DYRK1A: variants seen among roughly 807,000 people sequenced by gnomAD.
The protein encoded by DYRK1A is dual specificity tyrosine-phosphorylation-regulated kinase 1A.
In DYRK1A, 9 loss-of-function variants were observed where a neutral mutation model predicts 79.7. The observed-to-expected ratio is 0.11, with a 90% CI of 0.07 to 0.20. The LOEUF is 0.20. DYRK1A is among the 10% of genes least tolerant of loss of function. The pLI is 1.00. For synonymous variants in DYRK1A, 349 were observed against 329.7 expected (o/e 1.06, Z -0.63); for missense variants, 622 against 956.0 (o/e 0.65, Z 4.61).
chr21:37,372,479 A>G (rs1017321396), intron 1 of DYRK1A, among the ~76,000 whole-genome samples: 6 of 151,598 alleles, frequency 4.0e-5, no homozygotes, highest in Middle Eastern at 3.4e-3. Context: ...GAACTGTGAC[A>G]TCTGTCTGTC....
chr21:37,443,994 G>A (rs761317082), intron 2 of DYRK1A, among the ~76,000 whole-genome samples: 4 of 152,136 alleles, frequency 2.6e-5, no homozygotes, highest in Non-Finnish European at 4.4e-5. Context: ...GACCTGTAAC[G>A]TTGCCCCTGG....
upstream of DYRK1A, chr21:37,365,592 T>G (rs533182579): frequency 6.6e-6 from 1 of 152,284 alleles, no homozygotes; most frequent in South Asian, 2.1e-4. Flanking sequence ...TTTTCAAGCC[T>G]CGGGAGCTCA....
At chr21:37,394,580 T>C (rs1175465090) in intron 1 of DYRK1A, among the ~76,000 whole-genome samples, 1 of 152,184 alleles carries the variant, frequency 6.6e-6, no homozygotes, top group African/African-American at 2.4e-5. Context: ...CTGCCTGAGC[T>C]CTGCCTCCTG....
At position 37,478,250 on chromosome 21, in the gene DYRK1A, C is replaced by G. The variant is rs1388649650; in HGVS notation, c.250C>G (p.Leu84Val). 3 of 1,614,094 alleles carry G rather than the reference C, an allele frequency of 1.9e-6. No individual in the cohort carries two copies. The highest frequency in any genetic ancestry group is 2.5e-6 in the Non-Finnish European group (3 of 1,179,964). ...CTTCCGTGACCCAGCAACTGCTCCC[C>G]TGAGAAAACTTTCTGTTGACTTGAT... Reference protein sequence around the residue: ...QTFRDPATAPLRKLSVDLIKT... With the variant: ...QTFRDPATAPVRKLSVDLIKT... Residue 84 changes from leucine (L) to valine (V), a missense_variant, in exon 4 of 12, where the codon CTG becomes GTG. Physicochemically the swap from Leu to Val is conservative, Grantham distance 32 (BLOSUM62 1). Coordinates refer to ENST00000647188, the MANE Select transcript of DYRK1A (RefSeq NM_001347721.2).
intron 1 of DYRK1A, among the ~76,000 whole-genome samples, chr21:37,406,369 G>A (rs1417879747): frequency 6.6e-6 from 1 of 151,998 alleles, no homozygotes; most frequent in Non-Finnish European, 1.5e-5. Context: ...GAGACCCCAG[G>A]CACCAACACA....
intron 1 of DYRK1A, among the ~76,000 whole-genome samples, chr21:37,404,212 G>T (rs559601314): frequency 1.3e-5 from 2 of 152,150 alleles, no homozygotes; most frequent in Non-Finnish European, 2.9e-5. Context: ...ACGTGACAGT[G>T]GAGGCTGAGC....
chr21:37,510,969 A>G (rs555806045), intron 11 of DYRK1A, among the ~76,000 whole-genome samples: 23 of 152,320 alleles, frequency 1.5e-4, no homozygotes, highest in African/African-American at 5.3e-4. Flanking sequence ...AGCATCAGCC[A>G]GAGTGGTCAG....
chr21:37,484,978 TG>T (rs1024397079), intron 5 of DYRK1A, among the ~76,000 whole-genome samples: 2 of 152,212 alleles, frequency 1.3e-5, no homozygotes, highest in African/African-American at 4.8e-5. Flanking sequence ...CTCCACATTC[TG>T]TGTCAGGTTA....
At chr21:37,382,757 A>G (rs948474425) in intron 1 of DYRK1A, among the ~76,000 whole-genome samples, 1 of 152,214 alleles carries the variant, frequency 6.6e-6, no homozygotes, top group Non-Finnish European at 1.5e-5. Flanking sequence ...ATTATTAGTT[A>G]TTTTAATATA....
chr21:37,480,901 CCT>C lies in DYRK1A; in HGVS notation c.489+77_489+78del, dbSNP rs1278501699. On this transcript the variant is annotated intron_variant, in intron 5 of 11. Transcript: ENST00000647188. ...GTGAATCTTGTTGTTAACAGCCCTT[CCT>C]CAAGAGTGTACTTTTAATATTTGCA... The C allele has an allele frequency of 3.4e-6, 4 of 1,190,174 alleles. No individual in the cohort carries two copies. In the African/African-American group the frequency reaches 6.2e-5, roughly 18 times the overall value. 73.7% of individuals were successfully genotyped at this position (1,190,174 alleles called of 1,614,324 possible). A position where few individuals can be genotyped will look rare whatever the true frequency, so the allele number is the denominator to read the frequency against.
intron 1 of DYRK1A, among the ~76,000 whole-genome samples, chr21:37,395,272 C>T (rs1602397643): frequency 6.6e-6 from 1 of 152,158 alleles, no homozygotes; most frequent in African/African-American, 2.4e-5. Context: ...AGTATCTTAG[C>T]AGAGGTTTGG....
At chr21:37,437,879 CTCAA>C (rs1462176606) in intron 2 of DYRK1A, among the ~76,000 whole-genome samples, 1 of 152,124 alleles carries the variant, frequency 6.6e-6, no homozygotes, top group Admixed American at 6.5e-5. Context: ...ATTGGAGTGA[CTCAA>C]TCATGTGGTG....
intron 2 of DYRK1A, among the ~76,000 whole-genome samples, chr21:37,432,543 A>C (rs1362612728): frequency 6.6e-5 from 10 of 152,228 alleles, no homozygotes; most frequent in Non-Finnish European, 1.3e-4. Flanking sequence ...TTTTCCAAAT[A>C]AGATGGCTTC....
intron 3 of DYRK1A, among the ~76,000 whole-genome samples, chr21:37,477,423 A>G (rs2148568787): frequency 6.6e-6 from 1 of 152,304 alleles, no homozygotes; most frequent in South Asian, 2.1e-4. Context: ...TTGGACAGCA[A>G]TCCAGGATCA....
chr21:37,486,630 A>G lies in DYRK1A; in HGVS notation c.637+16A>G, dbSNP rs373230801. On this transcript the variant is annotated intron_variant, in intron 6 of 11. Transcript: ENST00000647188. ...TACTACATAGGTAAACAAACAGGCA[A>G]ACAGCGCAGTGTGCCCCAACCCACA... 1.7e-4 allele frequency: 262 copies of G among 1,525,458 alleles called. No individual in the cohort carries two copies. Among genetic ancestry groups the G allele is most frequent in the Non-Finnish European group, 2.2e-4 (248 of 1,135,918 alleles). 94.5% of individuals were successfully genotyped at this position (1,525,458 alleles called of 1,614,324 possible). A position where few individuals can be genotyped will look rare whatever the true frequency, so the allele number is the denominator to read the frequency against.
intron 8 of DYRK1A, among the ~76,000 whole-genome samples, chr21:37,495,152 TTGTG>T (rs56226706): frequency 0.14 from 18,812 of 137,300 alleles, 1,307 homozygotes; most frequent in Non-Finnish European, 0.16. Context: ...CTCTGGGATT[TTGTG>T]TGTGTGTGTG....
chr21:37,385,384 T>C (rs2049740197), intron 1 of DYRK1A, among the ~76,000 whole-genome samples: 1 of 152,192 alleles, frequency 6.6e-6, no homozygotes, highest in Non-Finnish European at 1.5e-5. Flanking sequence ...TAAGCTCATA[T>C]GGTTGTTGGC....
chr21:37,470,579 C>T (rs1207990197), intron 2 of DYRK1A, among the ~76,000 whole-genome samples: 2 of 152,100 alleles, frequency 1.3e-5, no homozygotes, highest in African/African-American at 4.8e-5. Flanking sequence ...AAGAAATTTG[C>T]CAGTCACAGC....
In DYRK1A at chr21:37,482,702, G is replaced by T. The variant is rs1601238568; in HGVS notation, c.489+1876G>T. Among the ~76,000 whole-genome samples, 5 of 152,164 alleles carry T rather than the reference G, an allele frequency of 3.3e-5. No homozygotes were observed. In the South Asian group the frequency reaches 1.0e-3, roughly 32 times the overall value. On this transcript the variant is annotated intron_variant, in intron 5 of 11. Coordinates refer to ENST00000647188, the MANE Select transcript of DYRK1A (RefSeq NM_001347721.2). ...GGAATTTCCTTGTCCTAATAAGCCT[G>T]GGGGTGCTATGGGAGACTGGGGCTT...
Sources: allele counts gnomAD v4.1 joint callset (sites outside exome capture counted in the v4.1 genomes callset), GRCh38; gene constraint gnomAD v4.1.1; transcripts MANE v1.5; gene names NCBI Gene and HGNC (gene_info 2026-07-23, HGNC 2026-07-21).